Variants in VWC2 observed in about 807,000 individuals in gnomAD.
The protein encoded by VWC2 is von Willebrand factor C domain containing 2.
VWC2 carries 14 observed loss-of-function variants against 29.8 expected under a neutral mutation model. That is an observed-to-expected ratio of 0.47 (90% confidence interval 0.31 to 0.74). VWC2 has a LOEUF of 0.74. VWC2 is among the 30% of genes least tolerant of loss of function. VWC2 has a pLI of 0.05. For synonymous variants in VWC2, 213 were observed against 199.0 expected (o/e 1.07, Z -0.59); for missense variants, 457 against 459.8 (o/e 0.99, Z 0.05).
At chr7:49,800,592 T>G (rs1012888348) in intron 2 of VWC2, among the ~76,000 whole-genome samples, 6 of 152,064 alleles carry the variant, frequency 3.9e-5, no homozygotes, top group African/African-American at 1.4e-4. Flanking sequence ...CATCATGTAA[T>G]CCACACCACC....
intron 2 of VWC2, among the ~76,000 whole-genome samples, chr7:49,797,080 C>G (rs560636265): frequency 6.6e-6 from 1 of 152,140 alleles, no homozygotes; most frequent in Non-Finnish European, 1.5e-5. Context: ...ATAAACATGT[C>G]TATAAGTATT....
intron 3 of VWC2, among the ~76,000 whole-genome samples, chr7:49,911,480 CAAAAA>C (rs34782644): frequency 2.8e-5 from 2 of 71,630 alleles, no homozygotes; most frequent in Non-Finnish European, 4.9e-5. Flanking sequence ...GACTCTGTCT[CAAAAA>C]AAAAAAAAAA....
chr7:49,866,303 A>G (rs545832803), intron 3 of VWC2, among the ~76,000 whole-genome samples: 4 of 152,308 alleles, frequency 2.6e-5, no homozygotes, highest in African/African-American at 9.6e-5. Flanking sequence ...CTATGGCCTA[A>G]CACTGGTTGC....
chr7:49,893,113 T>A (rs902422245), intron 3 of VWC2, among the ~76,000 whole-genome samples: 19 of 152,226 alleles, frequency 1.2e-4, no homozygotes, highest in African/African-American at 4.6e-4. Context: ...TTCCTGAGAA[T>A]GTTGAGCATG....
At chr7:49,799,402 C>T (rs1323279533) in intron 2 of VWC2, among the ~76,000 whole-genome samples, 1 of 152,248 alleles carries the variant, frequency 6.6e-6, no homozygotes, top group African/African-American at 2.4e-5. Context: ...CGGTGACCAG[C>T]TTGAGGGCTT....
chr7:49,865,084 T>C (rs1790823260), intron 3 of VWC2, among the ~76,000 whole-genome samples: 1 of 152,374 alleles, frequency 6.6e-6, no homozygotes, highest in Admixed American at 6.5e-5. Flanking sequence ...TGGAATACTT[T>C]TCTGTCATGT....
At chr7:49,884,356 TA>T (rs1791805823) in intron 3 of VWC2, among the ~76,000 whole-genome samples, 1 of 152,204 alleles carries the variant, frequency 6.6e-6, no homozygotes, top group African/African-American at 2.4e-5. Context: ...AAGAAGGCTT[TA>T]ACCGGGTGCT....
At chr7:49,876,454 T>C (rs73111329) in intron 3 of VWC2, among the ~76,000 whole-genome samples, 4,549 of 152,230 alleles carry the variant, frequency 0.03, 104 homozygotes, top group Non-Finnish European at 0.046. Flanking sequence ...TTGAAAATAA[T>C]TAACTGTATG....
intron 3 of VWC2, among the ~76,000 whole-genome samples, chr7:49,810,125 A>G (rs1373284469): frequency 6.6e-6 from 1 of 151,928 alleles, no homozygotes; most frequent in Non-Finnish European, 1.5e-5. Context: ...AGAATTACAC[A>G]TACACGTGCA....
intron 3 of VWC2, among the ~76,000 whole-genome samples, chr7:49,866,664 G>T (rs1041464523): frequency 6.6e-6 from 1 of 152,184 alleles, no homozygotes; most frequent in African/African-American, 2.4e-5. Flanking sequence ...TCTATCACAG[G>T]TGCCTCATTT....
At chr7:49,780,205 A>G (rs1401487552) in intron 2 of VWC2, among the ~76,000 whole-genome samples, 1 of 152,206 alleles carries the variant, frequency 6.6e-6, no homozygotes, top group Non-Finnish European at 1.5e-5. Flanking sequence ...AATGAACATT[A>G]ACTGAGGGGC....
intron 3 of VWC2, among the ~76,000 whole-genome samples, chr7:49,834,973 T>C (rs972841337): frequency 6.6e-6 from 1 of 152,188 alleles, no homozygotes; most frequent in Non-Finnish European, 1.5e-5. Context: ...ATAGAAAGTG[T>C]ATTTGGGTCA....
chr7:49,775,396 C>CTGCCCGTGCCTGTGCACCGAGGA lies in VWC2; in HGVS notation c.-40_-39insTGCCCGTGCCTGTGCACCGAGGA. 1 of 1,326,040 alleles carries CTGCCCGTGCCTGTGCACCGAGGA rather than the reference C, an allele frequency of 7.5e-7. No homozygotes were observed. 82.1% of individuals were successfully genotyped at this position (1,326,040 alleles called of 1,614,324 possible). On this transcript the variant is annotated 5_prime_UTR_variant, in exon 2 of 4. The change abolishes the stop of an existing upstream ORF in the 5' untranslated region. Coordinates refer to ENST00000340652, the MANE Select transcript of VWC2 (RefSeq NM_198570.5). ...CTGTGAATGCGACTCGCCCCTCGGC[C>CTGCCCGTGCCTGTGCACCGAGGA]GCGCTCCCCGCCCGCCCGCCCGCCG...
intron 2 of VWC2, among the ~76,000 whole-genome samples, chr7:49,795,896 AC>A (rs1788577781): frequency 6.6e-6 from 1 of 152,052 alleles, no homozygotes; most frequent in South Asian, 2.1e-4. Flanking sequence ...GGGGTTAAGA[AC>A]CTCAGTGATA....
intron 3 of VWC2, among the ~76,000 whole-genome samples, chr7:49,894,409 A>C (rs1792278536): frequency 6.6e-6 from 1 of 152,244 alleles, no homozygotes. Flanking sequence ...TTATGATTAC[A>C]GGCATGAGCC....
chr7:49,906,474 T>C (rs1583808103), intron 3 of VWC2, among the ~76,000 whole-genome samples: 1 of 152,218 alleles, frequency 6.6e-6, no homozygotes, highest in East Asian at 1.9e-4. Flanking sequence ...TAGCTGGGAC[T>C]ACAGGCACCC....
intron 3 of VWC2, among the ~76,000 whole-genome samples, chr7:49,886,971 CT>C (rs1470600653): frequency 6.6e-6 from 1 of 151,656 alleles, no homozygotes; most frequent in African/African-American, 2.4e-5. Context: ...TCTTGTTTGC[CT>C]TTACCTTCAT....
At position 49,802,730 on chromosome 7, in the gene VWC2, G is replaced by A; in HGVS notation, c.716G>A (p.Cys239Tyr). 1.2e-6 allele frequency: 2 copies of A among 1,614,248 alleles called. No individual in the cohort carries two copies. Among genetic ancestry groups the A allele is most frequent in the Non-Finnish European group, 1.7e-6 (2 of 1,180,034 alleles). ...TTTCAGGTGTCTCCATGCGAGAGGTGTCGCTGTGAAGCCAACGGTGAGGTG... is the reference window on the plus strand; with the variant it reads ...TTTCAGGTGTCTCCATGCGAGAGGTATCGCTGTGAAGCCAACGGTGAGGTG... ...EEFVVSPCERCRCEANGEVLC... is the reference protein window; with the variant it reads ...EEFVVSPCERYRCEANGEVLC... The change falls in exon 3 of 4, where the codon TGT (cysteine) becomes TAT (tyrosine). Residue 239 changes from cysteine (C) to tyrosine (Y), a missense_variant. By Grantham distance (194) the Cys-to-Tyr change is radical. Around this residue, in one of 2 missense-constraint regions of VWC2, gnomAD observed 185 missense variants for 257.1 expected, o/e 0.72. Transcript: ENST00000340652.
At chr7:49,788,012 A>G (rs192091725) in intron 2 of VWC2, among the ~76,000 whole-genome samples, 2 of 152,300 alleles carry the variant, frequency 1.3e-5, no homozygotes, top group Admixed American at 1.3e-4. Context: ...TCTCCACCAG[A>G]GCTTAAAACT....
Sources: gnomAD v4.1 joint callset for allele counts (sites outside exome capture counted in the v4.1 genomes callset) on GRCh38, gnomAD v4.1.1 for gene constraint, gnomAD v4.1.1 regional missense constraint, MANE v1.5 for transcripts, NCBI Gene and HGNC (gene_info 2026-07-23, HGNC 2026-07-21) for gene names.